The following TEAD2 variants were observed in gnomAD, a reference collection of about 807,000 sequenced individuals.
TEAD2 encodes TEA domain transcription factor 2.
Under a neutral mutation model 61.4 loss-of-function variants are expected in TEAD2, and 51 were observed. That is an observed-to-expected ratio of 0.83 (90% CI 0.66 to 1.05). The LOEUF (loss-of-function observed/expected upper bound fraction) is 1.05. Among genes scored for constraint, TEAD2 ranks in the 50% least tolerant of loss-of-function variants. TEAD2 has a pLI of 0.00. For missense variants in TEAD2, 509 were observed against 600.0 expected, an observed-to-expected ratio of 0.85 and a Z score of 1.58; for synonymous variants, 244 against 243.2, an observed-to-expected ratio of 1.00 and a Z score of -0.03.
chr19:49,357,536 C>T, intron 3 of TEAD2: 1 of 595,934 alleles, frequency 1.7e-6, no homozygotes, highest in Non-Finnish European at 3.0e-6. Flanking sequence ...AGGCCTCCTT[C>T]CCCTCCACCA....
chr19:49,360,361 G>A (rs1236095380), intron 1 of TEAD2: 6 of 456,324 alleles, frequency 1.3e-5, no homozygotes, highest in African/African-American at 2.0e-5. Flanking sequence ...CTGAGGGAGC[G>A]GGGGCTGGAG....
chr19:49,348,986 GC>G, intron 8 of TEAD2, 141 bp from the exon 9 acceptor site: 2 of 1,144,808 alleles, frequency 1.7e-6, no homozygotes, highest in Non-Finnish European at 2.3e-6. Context: ...GTTAGAAGTG[GC>G]CATGTGACAC....
rs1600701776 is a variant in TEAD2, at chr19:49,343,285, G to A, written c.1035C>T (p.Leu345=). Residue 345 remains leucine, a synonymous_variant, in exon 11 of 13, where the codon CTC becomes CTT. Coordinates refer to ENST00000593945, the MANE Select transcript of TEAD2 (RefSeq NM_001256660.2). ...SQYESLEHMT[L]TCSSKVCSFG... Reference sequence around the variant, plus strand: ...AAGAGCAGACCTTGGAGGAACAGGTGAGGGTCATGTGTTCCAGGCTCTCAT... The same window carrying A: ...AAGAGCAGACCTTGGAGGAACAGGTAAGGGTCATGTGTTCCAGGCTCTCAT... 2 of 1,614,002 alleles carry A rather than the reference G, an allele frequency of 1.2e-6. No homozygotes were observed. The highest frequency in any genetic ancestry group is 2.2e-5 in the East Asian group (1 of 44,874).
intron 8 of TEAD2, among the ~76,000 whole-genome samples, chr19:49,350,868 C>G (rs1434879950): frequency 1.3e-5 from 2 of 152,190 alleles, no homozygotes; most frequent in South Asian, 2.1e-4. Context: ...TGCCTCAAAG[C>G]TGGGCTTCAG....
At chr19:49,347,727 T>C (rs111835782) in intron 9 of TEAD2, among the ~76,000 whole-genome samples, 3 of 152,010 alleles carry the variant, frequency 2.0e-5, no homozygotes, top group African/African-American at 7.2e-5. Context: ...GGCCCTCCCA[T>C]AGCTCCCCAG....
intron 10 of TEAD2, among the ~76,000 whole-genome samples, chr19:49,343,860 G>C (rs1008207300): frequency 6.8e-6 from 1 of 146,858 alleles, no homozygotes; most frequent in Non-Finnish European, 1.5e-5. Flanking sequence ...TTTTTTGGGG[G>C]GGGGGGAACA....
chr19:49,360,956 A>C (rs1160864092), intron 1 of TEAD2, among the ~76,000 whole-genome samples: 2 of 109,608 alleles, frequency 1.8e-5, no homozygotes, highest in East Asian at 6.5e-4. Context: ...GACAGAGACC[A>C]GTGACGGAGG....
In TEAD2 at chr19:49,355,963, T is replaced by C; in HGVS notation, c.368A>G (p.Asn123Ser). Residue 123 changes from asparagine to serine, a missense_variant, in exon 5 of 13, where the codon AAC becomes AGC. Asn to Ser is a conservative substitution (Grantham distance 46). Coordinates refer to ENST00000593945, the MANE Select transcript of TEAD2 (RefSeq NM_001256660.2). ...AGGATGGGCAGAGGAACTTACCACG[T>C]TCAGAGCCTGCCCGTGGGGGTGGGG... The part of the protein sequence containing the change: ...REIQSKLKAL[N>S]VDQVSKDKAF... 1 of 1,258,668 alleles carries C rather than the reference T, an allele frequency of 7.9e-7. No homozygotes were observed. The highest frequency in any genetic ancestry group is 1.0e-6 in the Non-Finnish European group (1 of 1,001,706). The allele number at this position is 1,258,668 out of a possible 1,614,324, so 78.0% of individuals were successfully genotyped here.
At chr19:49,346,852 G>A (rs540349362) in intron 10 of TEAD2, among the ~76,000 whole-genome samples, 3 of 152,292 alleles carry the variant, frequency 2.0e-5, no homozygotes, top group Admixed American at 1.3e-4. Flanking sequence ...TTAGCAGCAC[G>A]GCTTGGTGCA....
intron 7 of TEAD2, among the ~76,000 whole-genome samples, chr19:49,354,045 G>A (rs983006764): frequency 1.3e-5 from 2 of 148,788 alleles, no homozygotes; most frequent in Admixed American, 6.7e-5. Flanking sequence ...TGATCCACCC[G>A]CCTCAGCCTC....
At chr19:49,347,797 A>G (rs1971746132) in intron 9 of TEAD2, among the ~76,000 whole-genome samples, 1 of 152,172 alleles carries the variant, frequency 6.6e-6, no homozygotes, top group Non-Finnish European at 1.5e-5. Context: ...AGGTGCTCAT[A>G]AATGGTCAAT....
At chr19:49,357,206 C>T (rs781518127) in intron 4 of TEAD2, 46 bp downstream of exon 4, 1 of 1,562,952 alleles carries the variant, frequency 6.4e-7, no homozygotes, top group Admixed American at 1.7e-5. Context: ...CGGTCCCCCA[C>T]CCCCAGTCTC....
Position 49,341,961 on chromosome 19 carries a change from G to A in TEAD2, c.1242+477C>T, listed in dbSNP as rs1186089281. Among the ~76,000 whole-genome samples the A allele has an allele frequency of 6.6e-6, 1 of 152,110 alleles. No homozygotes were observed. The highest frequency in any genetic ancestry group is 2.4e-5 in the African/African-American group (1 of 41,422). ...TAATCCCAGCACTTTGGGAGGCCTA[G>A]GCAGGTGGATCACTTGAGGTCGGAG... is the stretch of plus-strand genomic sequence containing the variant. On this transcript the variant is annotated intron_variant, in intron 12 of 12. Coordinates refer to ENST00000593945, the MANE Select transcript of TEAD2 (RefSeq NM_001256660.2). This position sits in a 1 kb window ranked among gnomAD's most constrained non-coding sequence, Gnocchi z 4.2.
At chr19:49,355,476 G>A (rs1256446589) in intron 5 of TEAD2, 57 bp from the exon 6 acceptor site, 2 of 1,457,046 alleles carry the variant, frequency 1.4e-6, no homozygotes, top group African/African-American at 2.8e-5. Context: ...CATGGCAAGA[G>A]GGGGATGGTG....
chr19:49,353,213 C>T (rs896586390), intron 7 of TEAD2, among the ~76,000 whole-genome samples: 2 of 152,080 alleles, frequency 1.3e-5, no homozygotes, highest in African/African-American at 4.8e-5. Context: ...ATTCTCCTGC[C>T]TCAGGCTCCG....
In TEAD2 at chr19:49,343,318, G is replaced by A; in HGVS notation, c.1002C>T (p.Ser334=). ...SISSGGFYGV[S]SQYESLEHMT... ...TGTGTTCCAGGCTCTCATACTGGCT[G>A]CTCACTCCGTAGAAGCCACCACTGC... The change falls in exon 11 of 13, where the codon AGC becomes AGT. Residue 334 remains serine (S), a synonymous_variant. Transcript: ENST00000593945. 3.1e-6 allele frequency: 5 copies of A among 1,613,938 alleles called. No homozygotes were observed. The highest frequency in any genetic ancestry group is 3.4e-6 in the Non-Finnish European group (4 of 1,180,018).
rs916999124 is a variant in TEAD2, at chr19:49,359,122, C to T, written c.297+313G>A. 2.6e-5 allele frequency among the ~76,000 whole-genome samples: 4 copies of T among 152,074 alleles called. No homozygotes were observed. Among genetic ancestry groups the T allele is most frequent in the Non-Finnish European group, 5.9e-5 (4 of 68,028 alleles). On this transcript the variant is annotated intron_variant, in intron 3 of 12. Transcript: ENST00000593945. The surrounding 1 kb of genome is among the most constrained non-coding windows in gnomAD (Gnocchi z 4.1). ...GCATGGTAGTGCATGTCTGTAATCCCTGCTACTCGGGAGGCTGAGACAGGA... is the reference window on the plus strand; with the variant it reads ...GCATGGTAGTGCATGTCTGTAATCCTTGCTACTCGGGAGGCTGAGACAGGA...
chr19:49,353,613 C>A (rs963419957), intron 7 of TEAD2, among the ~76,000 whole-genome samples: 3 of 152,112 alleles, frequency 2.0e-5, no homozygotes, highest in Admixed American at 2.0e-4. Flanking sequence ...GAAACCCCAG[C>A]GTCAGGGCAG....
At position 49,357,539 on chromosome 19, in the gene TEAD2, C is replaced by T. The variant is rs565094561; in HGVS notation, c.298-225G>A. The T allele has an allele frequency of 8.5e-6, 5 of 591,478 alleles. No individual in the cohort carries two copies. The East Asian group carries it at 1.4e-4, about 17-fold the overall frequency. 36.6% of individuals were successfully genotyped at this position (591,478 alleles called of 1,614,324 possible). Reference sequence around the variant, plus strand: ...CCCATCCCATCCAGGCCTCCTTCCCCTCCACCATGCTCTCTCTGTGGCTAC... The same window carrying T: ...CCCATCCCATCCAGGCCTCCTTCCCTTCCACCATGCTCTCTCTGTGGCTAC... On this transcript the variant is annotated intron_variant, in intron 3 of 12. Transcript: ENST00000593945.
Sources: allele counts gnomAD v4.1 joint callset (sites outside exome capture counted in the v4.1 genomes callset), GRCh38; gene constraint gnomAD v4.1.1; non-coding constraint Gnocchi (gnomAD v3.1); transcripts MANE v1.5; gene names NCBI Gene and HGNC (gene_info 2026-07-23, HGNC 2026-07-21).